TPRG1: variants seen among roughly 807,000 people sequenced by gnomAD.
The protein encoded by TPRG1 is tumor protein p63 regulated 1.
In TPRG1, 29 loss-of-function variants were observed where a neutral mutation model predicts 29.3. That is an observed-to-expected ratio of 0.99 (90% CI 0.74 to 1.35). The LOEUF is 1.35. TPRG1 is among the 40% of genes most tolerant of loss of function. The pLI is 0.00. For synonymous variants in TPRG1, 130 were observed against 116.8 expected (o/e 1.11, Z -0.73); for missense variants, 327 against 335.0 (o/e 0.98, Z 0.19).
chr3:189,083,765 G>A (rs775859096), intron 4 of TPRG1, among the ~76,000 whole-genome samples: 1 of 152,180 alleles, frequency 6.6e-6, no homozygotes, highest in East Asian at 1.9e-4. Context: ...TGTGATGCTT[G>A]TCAGGTCCAG....
chr3:189,294,644 C>T (rs1336043048), intron 4 of TPRG1, among the ~76,000 whole-genome samples: 2 of 152,236 alleles, frequency 1.3e-5, no homozygotes, highest in Middle Eastern at 3.4e-3. Context: ...AAAGACAATA[C>T]TTCAGCAATT....
intron 1 of TPRG1, among the ~76,000 whole-genome samples, chr3:189,192,160 A>T (rs189194645): frequency 6.6e-6 from 1 of 152,322 alleles, no homozygotes; most frequent in East Asian, 1.9e-4. Flanking sequence ...CTAAATTGCC[A>T]TTCATGTTAC....
chr3:189,230,823 G>A (rs1460237919), intron 3 of TPRG1, among the ~76,000 whole-genome samples: 2 of 152,090 alleles, frequency 1.3e-5, no homozygotes, highest in African/African-American at 4.8e-5. Flanking sequence ...TTGGTATTGG[G>A]TTTCTAAAGA....
intron 4 of TPRG1, among the ~76,000 whole-genome samples, chr3:189,078,844 G>T (rs750929716): frequency 6.6e-6 from 1 of 152,110 alleles, no homozygotes; most frequent in Non-Finnish European, 1.5e-5. Context: ...TAACAATAAT[G>T]TCTACCTCAA....
intron 4 of TPRG1, among the ~76,000 whole-genome samples, chr3:189,249,043 T>C (rs894455899): frequency 2.6e-5 from 4 of 151,448 alleles, no homozygotes; most frequent in African/African-American, 9.7e-5. Context: ...GTTCTACATA[T>C]AGAGTTTCAT....
At chr3:189,315,568 C>T (rs934502428) in intron 5 of TPRG1, 1 of 447,588 alleles carries the variant, frequency 2.2e-6, no homozygotes, top group Admixed American at 2.4e-5. Flanking sequence ...ATTATGTGTG[C>T]CCTACAACCA....
At chr3:189,058,455 G>A (rs184646507) in intron 4 of TPRG1, among the ~76,000 whole-genome samples, 149 of 152,244 alleles carry the variant, frequency 9.8e-4, no homozygotes, top group Non-Finnish European at 2.5e-4. Flanking sequence ...TCTATAAAAT[G>A]GCACCAAACA....
intron 4 of TPRG1, among the ~76,000 whole-genome samples, chr3:189,272,475 A>G (rs1212425061): frequency 2.0e-5 from 3 of 152,150 alleles, no homozygotes; most frequent in Non-Finnish European, 4.4e-5. Context: ...ACTAATATAC[A>G]TCGAGACTGT....
At chr3:189,138,914 A>C (rs1357818235) in intron 3 of TPRG1, among the ~76,000 whole-genome samples, 1 of 152,012 alleles carries the variant, frequency 6.6e-6, no homozygotes, top group Non-Finnish European at 1.5e-5. Context: ...CTGTGGCCAC[A>C]CTCCTTGGGG....
At chr3:189,078,008 TTTCC>T (rs773510018) in intron 4 of TPRG1, among the ~76,000 whole-genome samples, 12,816 of 98,790 alleles carry the variant, frequency 0.13, 1,142 homozygotes, top group Non-Finnish European at 0.14. Context: ...CTAAAAACCT[TTTCC>T]TTCCTTCCTT....
intron 2 of TPRG1, among the ~76,000 whole-genome samples, chr3:189,208,972 G>A (rs1336856834): frequency 6.6e-6 from 1 of 152,178 alleles, no homozygotes; most frequent in Admixed American, 6.5e-5. Context: ...TGGCAGTTGT[G>A]AAGAGGAAAT....
At position 189,257,500 on chromosome 3, in the gene TPRG1, G is replaced by A. The variant is rs111319068; in HGVS notation, c.479+18591G>A. 5.5e-3 allele frequency among the ~76,000 whole-genome samples: 844 copies of A among 152,224 alleles called. 14 individuals are homozygous for A. Among genetic ancestry groups the A allele is most frequent in the African/African-American group, 0.02 (814 of 41,524 alleles). On this transcript the variant is annotated intron_variant, in intron 4 of 5. Transcript: ENST00000345063. The stretch of plus-strand genomic sequence containing the variant: ...TATGTGTGTTGGGGTTGCGCTTCTC[G>A]AGGAGTATCTCTGTGGTGTTCTCTG...
chr3:189,176,070 G>A (rs531010081), intron 1 of TPRG1, among the ~76,000 whole-genome samples: 1 of 152,294 alleles, frequency 6.6e-6, no homozygotes, highest in East Asian at 1.9e-4. Context: ...GGTGGGTGAA[G>A]GGAAAGATTT....
intron 3 of TPRG1, among the ~76,000 whole-genome samples, chr3:189,147,060 A>C (rs765427139): frequency 6.6e-6 from 1 of 152,222 alleles, no homozygotes; most frequent in Non-Finnish European, 1.5e-5. Context: ...TAAGTAACTC[A>C]TCCAAGGTCA....
At chr3:189,185,341 A>T (rs1730774177) in intron 1 of TPRG1, among the ~76,000 whole-genome samples, 1 of 151,866 alleles carries the variant, frequency 6.6e-6, no homozygotes, top group Non-Finnish European at 1.5e-5. Flanking sequence ...CTCCCACCTC[A>T]GCCTCCCAAG....
intron 1 of TPRG1, among the ~76,000 whole-genome samples, chr3:189,206,102 T>A (rs1378514719): frequency 6.7e-6 from 1 of 149,232 alleles, no homozygotes; most frequent in Admixed American, 6.7e-5. Flanking sequence ...CTTTCTTTCC[T>A]TCTTTCTTTC....
chr3:189,235,535 G>T (rs1739325791), intron 3 of TPRG1, among the ~76,000 whole-genome samples: 4 of 152,054 alleles, frequency 2.6e-5, no homozygotes, highest in Admixed American at 2.6e-4. Context: ...TGGAGGGAGG[G>T]TTCTTCCCCA....
chr3:189,322,815 G>A lies in TPRG1; in HGVS notation c.*1995G>A, dbSNP rs1724431675. On this transcript the variant is annotated 3_prime_UTR_variant, in exon 6 of 6. Coordinates refer to ENST00000345063, the MANE Select transcript of TPRG1 (RefSeq NM_198485.4). ...TCATCAATGGAAACAGTTCAGAAAGGATGACAGGAGGGAGATGTTTCTTAG... is the reference window on the plus strand; with the variant it reads ...TCATCAATGGAAACAGTTCAGAAAGAATGACAGGAGGGAGATGTTTCTTAG... 1 of 152,108 alleles carries A rather than the reference G, an allele frequency of 6.6e-6. No individual in the cohort carries two copies. Among genetic ancestry groups the A allele is most frequent in the Non-Finnish European group, 1.5e-5 (1 of 68,012 alleles). The allele number at this position is 152,108 out of a possible 1,614,324, so 9.4% of individuals were successfully genotyped here.
intron 2 of TPRG1, 43 bp downstream of exon 2, chr3:189,207,637 C>G: frequency 6.3e-7 from 1 of 1,578,356 alleles, no homozygotes; most frequent in South Asian, 1.1e-5. Context: ...AAAATTCACC[C>G]CAAGACATCT....
Sources: gnomAD v4.1 joint callset for allele counts (sites outside exome capture counted in the v4.1 genomes callset) on GRCh38, gnomAD v4.1.1 for gene constraint, MANE v1.5 for transcripts, NCBI Gene and HGNC (gene_info 2026-07-23, HGNC 2026-07-21) for gene names.